The following SVIL variants were observed in gnomAD, a reference collection of about 807,000 sequenced individuals.
SVIL encodes supervillin.
A neutral mutation model predicts 240.4 loss-of-function variants in SVIL; 101 were observed. The ratio of observed to expected loss-of-function variants is 0.42; its 90% CI spans 0.36 to 0.50. The LOEUF (loss-of-function observed/expected upper bound fraction) is 0.50. Among genes scored for constraint, SVIL ranks in the 20% least tolerant of loss-of-function variants. The probability of loss-of-function intolerance (pLI) is 0.01; values close to 1 mark genes in which losing one functional copy is unlikely to be tolerated. For synonymous variants in SVIL, 999 were observed against 1,100.0 expected, an observed-to-expected ratio of 0.91 and a Z score of 1.82; for missense variants, 2,512 against 2,818.7, an observed-to-expected ratio of 0.89 and a Z score of 2.46.
intron 12 of SVIL, among the ~76,000 whole-genome samples, chr10:29,527,353 A>G (rs1372407877): frequency 1.3e-5 from 2 of 152,214 alleles, no homozygotes; most frequent in Admixed American, 6.5e-5. Flanking sequence ...TAATTCAAAA[A>G]AGCAAATATT....
rs140293584 is a variant in SVIL at position 29,693,829 on chromosome 10, A to G, written c.-399-7178T>C. Among the ~76,000 whole-genome samples, 149 of 152,382 alleles carry G rather than the reference A, an allele frequency of 9.8e-4. 1 individual carries two copies. The highest frequency in any genetic ancestry group is 3.2e-3 in the African/African-American group (135 of 41,600). On this transcript the variant is annotated intron_variant, in intron 1 of 35. Coordinates refer to the SVIL transcript ENST00000375400. ...CCTATAAAAGTTCCTTACCCACATTAATCAAATCTTCTTTCTTCATTAGAT... is the reference window on the plus strand; with the variant it reads ...CCTATAAAAGTTCCTTACCCACATTGATCAAATCTTCTTTCTTCATTAGAT...
At chr10:29,730,155 G>A (rs1206579141) in intron 1 of SVIL, among the ~76,000 whole-genome samples, 2 of 152,166 alleles carry the variant, frequency 1.3e-5, no homozygotes, top group Non-Finnish European at 2.9e-5. Flanking sequence ...TCCAGCCTGG[G>A]CAACAGAGCA....
At chr10:29,602,235 A>G in intron 1 of SVIL, 1 of 530,304 alleles carries the variant, frequency 1.9e-6, no homozygotes, top group Non-Finnish European at 3.9e-6. Flanking sequence ...ATGTTTCATG[A>G]AGTGCCCCCT....
chr10:29,674,339 TG>T (rs1170282776), intron 2 of SVIL, among the ~76,000 whole-genome samples: 2 of 151,616 alleles, frequency 1.3e-5, no homozygotes, highest in Non-Finnish European at 2.9e-5. Flanking sequence ...TCAAAAAAAG[TG>T]GGGGGTGTTT....
At chr10:29,597,633 C>G (rs2132825116) in intron 1 of SVIL, among the ~76,000 whole-genome samples, 1 of 152,194 alleles carries the variant, frequency 6.6e-6, no homozygotes, top group African/African-American at 2.4e-5. Context: ...CTCCTGACCT[C>G]AAGTGATCCA....
intron 21 of SVIL, 68 bp from the exon 22 acceptor site, chr10:29,491,087 T>A: frequency 6.7e-7 from 1 of 1,490,762 alleles, no homozygotes; most frequent in Non-Finnish European, 9.0e-7. Context: ...CTGGGGGTCT[T>A]GGACTCCACA....
At chr10:29,651,360 T>C (rs1283498421) in intron 3 of SVIL, among the ~76,000 whole-genome samples, 1 of 152,178 alleles carries the variant, frequency 6.6e-6, no homozygotes, top group Non-Finnish European at 1.5e-5. Context: ...GCACTTCACA[T>C]TCCCTCTTCA....
chr10:29,526,835 A>G, intron 13 of SVIL, 126 bp downstream of exon 13: 1 of 787,514 alleles, frequency 1.3e-6, no homozygotes, highest in South Asian at 2.2e-5. Context: ...AATGCCACGC[A>G]TTCTGGAACA....
chr10:29,711,795 C>T (rs929535879), intron 1 of SVIL: 8 of 150,624 alleles, frequency 5.3e-5, no homozygotes, highest in Non-Finnish European at 1.0e-4. Flanking sequence ...TGATTTAGAG[C>T]AACTGGTAAA....
chr10:29,490,673 A>C (rs915901512), intron 22 of SVIL, among the ~76,000 whole-genome samples, 174 bp downstream of exon 22: 1 of 152,034 alleles, frequency 6.6e-6, no homozygotes, highest in African/African-American at 2.4e-5. Context: ...TCTATGAAAA[A>C]TCTTTAAAGT....
chr10:29,670,793 T>A (rs1408848677), intron 2 of SVIL, among the ~76,000 whole-genome samples: 1 of 152,202 alleles, frequency 6.6e-6, no homozygotes. Flanking sequence ...TCAGCCTCCA[T>A]ATTATAAGAT....
At chr10:29,495,494 C>T (rs1205523414) in intron 18 of SVIL, among the ~76,000 whole-genome samples, 1 of 152,142 alleles carries the variant, frequency 6.6e-6, no homozygotes, top group African/African-American at 2.4e-5. Flanking sequence ...GTTCTGAGGC[C>T]CTTCGGAGAT....
At chr10:29,731,989 C>A (rs7908314) in intron 1 of SVIL, among the ~76,000 whole-genome samples, 28,774 of 152,260 alleles carry the variant, frequency 0.19, 2,832 homozygotes, top group Middle Eastern at 0.27. Flanking sequence ...GACGGCCCAG[C>A]GCAGGTCTGG....
intron 1 of SVIL, among the ~76,000 whole-genome samples, chr10:29,572,906 C>T (rs1404406925): frequency 6.6e-6 from 1 of 152,078 alleles, no homozygotes; most frequent in African/African-American, 2.4e-5. Flanking sequence ...GCTCATCACC[C>T]TTTTTGTGCC....
At chr10:29,687,741 C>T (rs894796185) in intron 1 of SVIL, among the ~76,000 whole-genome samples, 2 of 152,208 alleles carry the variant, frequency 1.3e-5, no homozygotes, top group African/African-American at 4.8e-5. Context: ...TCTACAATGC[C>T]TTCCCCCTTT....
chr10:29,610,020 C>A (rs1481741949), intron 1 of SVIL, among the ~76,000 whole-genome samples: 1 of 152,190 alleles, frequency 6.6e-6, no homozygotes, highest in East Asian at 1.9e-4. Flanking sequence ...GACCTCCCTC[C>A]CCCTGAGAGA....
intron 1 of SVIL, among the ~76,000 whole-genome samples, chr10:29,689,586 G>A (rs1221676561): frequency 2.0e-5 from 3 of 152,178 alleles, no homozygotes; most frequent in Admixed American, 1.3e-4. Flanking sequence ...GCCCAGCCGA[G>A]TCTCTTTTTC....
chr10:29,653,009 T>C (rs2133015804), intron 3 of SVIL, among the ~76,000 whole-genome samples: 1 of 152,130 alleles, frequency 6.6e-6, no homozygotes, highest in South Asian at 2.1e-4. Flanking sequence ...CCTTTTTTTT[T>C]TTTTTCTGAG....
chr10:29,692,278 T>C (rs770036543), intron 1 of SVIL, among the ~76,000 whole-genome samples: 1 of 152,206 alleles, frequency 6.6e-6, no homozygotes, highest in Non-Finnish European at 1.5e-5. Flanking sequence ...GTGATTTTCA[T>C]GACAAAGCCG....
Sources: gnomAD v4.1 joint callset for allele counts (sites outside exome capture counted in the v4.1 genomes callset) on GRCh38, gnomAD v4.1.1 for gene constraint, MANE v1.5 for transcripts, NCBI Gene and HGNC (gene_info 2026-07-23, HGNC 2026-07-21) for gene names.